Variants in TNNI3K observed in about 807,000 individuals in gnomAD.
TNNI3K encodes serine/threonine-protein kinase TNNI3K.
Under a neutral mutation model 114.5 loss-of-function variants are expected in TNNI3K, and 140 were observed. The observed-to-expected ratio is 1.22, with a 90% confidence interval of 1.07 to 1.41. The LOEUF (loss-of-function observed/expected upper bound fraction) is 1.41, where lower values mean the gene tolerates loss of function less well. Among genes scored for constraint, TNNI3K ranks in the 40% most tolerant of loss-of-function variants. The pLI, the probability that TNNI3K is intolerant of heterozygous loss-of-function variation, is 0.00. For synonymous variants in TNNI3K, 347 were observed against 347.5 expected (o/e 1.00, Z 0.02); for missense variants, 1,125 against 1,007.6 (o/e 1.12, Z -1.58).
intron 23 of TNNI3K, among the ~76,000 whole-genome samples, chr1:74,497,833 A>C (rs1460409364): frequency 6.6e-6 from 1 of 152,194 alleles, no homozygotes; most frequent in African/African-American, 2.4e-5. Context: ...TCTAAAATTA[A>C]GTGAATTCCG....
In TNNI3K at chr1:74,489,207, G is replaced by C. The variant is rs1253716559; in HGVS notation, c.2140G>C (p.Glu714Gln). Residue 714 changes from glutamate to glutamine, a missense_variant, in exon 22 of 25, where the codon GAA becomes CAA. Transcript: ENST00000326637. ...TTTACAGGGAAGACCCGAATTTTCT[G>C]AAGTTGTCATGAAGTTAGAAGAGTG... ...ACPEGRPEFS[E>Q]VVMKLEECLC... is the part of the protein sequence containing the mutation. 1 of 1,611,238 alleles carries C rather than the reference G, an allele frequency of 6.2e-7. No homozygotes were observed. The highest frequency in any genetic ancestry group is 1.3e-5 in the African/African-American group (1 of 74,748).
At chr1:74,313,362 G>A (rs1048481929) in intron 5 of TNNI3K, among the ~76,000 whole-genome samples, 9 of 152,198 alleles carry the variant, frequency 5.9e-5, no homozygotes, top group African/African-American at 2.2e-4. Context: ...GCTTGGCACA[G>A]AGCAGGCATT....
At chr1:74,372,972 C>T (rs1385178858) in intron 17 of TNNI3K, 1 of 151,806 alleles carries the variant, frequency 6.6e-6, no homozygotes, top group Non-Finnish European at 1.5e-5. Flanking sequence ...TTTGTAGGTG[C>T]CTTCATTATG....
intron 9 of TNNI3K, among the ~76,000 whole-genome samples, chr1:74,351,787 G>A (rs868051510): frequency 1.4e-4 from 21 of 152,124 alleles, no homozygotes; most frequent in Non-Finnish European, 2.6e-4. Context: ...CATTCGTCAC[G>A]TAGTTTTCGT....
At chr1:74,508,569 A>G (rs1336226041) in intron 23 of TNNI3K, among the ~76,000 whole-genome samples, 1 of 152,222 alleles carries the variant, frequency 6.6e-6, no homozygotes, top group Non-Finnish European at 1.5e-5. Flanking sequence ...AATAGCCCAC[A>G]GGCCAGGAGG....
intron 17 of TNNI3K, chr1:74,377,213 C>T (rs1662951590): frequency 6.6e-6 from 1 of 152,000 alleles, no homozygotes; most frequent in South Asian, 2.1e-4. Flanking sequence ...GGAATCAAGT[C>T]ACAACGTAAC....
intron 23 of TNNI3K, among the ~76,000 whole-genome samples, chr1:74,529,990 G>C (rs1271618579): frequency 2.0e-5 from 3 of 152,010 alleles, no homozygotes; most frequent in African/African-American, 7.2e-5. Flanking sequence ...TTTGAGGCAG[G>C]GTCTTAATCT....
intron 4 of TNNI3K, among the ~76,000 whole-genome samples, chr1:74,254,833 TGTTCCTGA>T (rs1655173689): frequency 2.6e-5 from 4 of 152,186 alleles, no homozygotes; most frequent in African/African-American, 9.7e-5. Flanking sequence ...CAGGGTAGGA[TGTTCCTGA>T]AAGTAAGAGG....
intron 11 of TNNI3K, among the ~76,000 whole-genome samples, chr1:74,357,527 G>A (rs1661729455): frequency 6.6e-6 from 1 of 152,108 alleles, no homozygotes; most frequent in South Asian, 2.1e-4. Context: ...TTCTGGAAGA[G>A]TTATATATTC....
intron 9 of TNNI3K, among the ~76,000 whole-genome samples, chr1:74,343,996 A>G (rs927146140): frequency 3.9e-5 from 6 of 152,292 alleles, no homozygotes; most frequent in Non-Finnish European, 5.9e-5. Context: ...TACACATTAC[A>G]TATGTTTCCA....
intron 23 of TNNI3K, among the ~76,000 whole-genome samples, chr1:74,525,670 C>A (rs1013703465): frequency 6.6e-6 from 1 of 152,216 alleles, no homozygotes; most frequent in Non-Finnish European, 1.5e-5. Flanking sequence ...CATATCAAAG[C>A]TTAATAAATA....
intron 21 of TNNI3K, 129 bp from the exon 22 acceptor site, chr1:74,489,059 GT>G (rs972321017): frequency 1.0e-5 from 7 of 683,242 alleles, no homozygotes; most frequent in Non-Finnish European, 1.6e-5. Context: ...CAATAAAAGT[GT>G]ATTTTAAATA....
intron 5 of TNNI3K, among the ~76,000 whole-genome samples, chr1:74,289,631 C>A (rs1432846882): frequency 4.6e-5 from 7 of 151,894 alleles, no homozygotes; most frequent in African/African-American, 1.7e-4. Context: ...TGCTATATCA[C>A]ACAGCCTTGC....
rs567616063 is a variant in TNNI3K at position 74,274,975 on chromosome 1, C to A, written c.444+3267C>A. On this transcript the variant is annotated intron_variant, in intron 5 of 24. Transcript: ENST00000326637. ...GTATGGGTACTCAAAGTATAGTTTC[C>A]ACTCATATGTATCACTTTCACACCA... Among the ~76,000 whole-genome samples the A allele has an allele frequency of 2.0e-5, 3 of 152,044 alleles. No homozygotes were observed. In the East Asian group the frequency reaches 5.8e-4, roughly 29 times the overall value.
intron 17 of TNNI3K, among the ~76,000 whole-genome samples, chr1:74,400,709 GC>G (rs1436101683): frequency 6.6e-6 from 1 of 152,200 alleles, no homozygotes; most frequent in Admixed American, 6.5e-5. Flanking sequence ...AGTTCAATAA[GC>G]TCATGAGAGA....
chr1:74,287,118 A>G (rs1189032027), intron 5 of TNNI3K, among the ~76,000 whole-genome samples: 1 of 151,828 alleles, frequency 6.6e-6, no homozygotes, highest in African/African-American at 2.4e-5. Context: ...AATCAGCAAG[A>G]AAAAAAAGAA....
chr1:74,277,346 G>A (rs1051225505), intron 5 of TNNI3K, among the ~76,000 whole-genome samples: 1 of 151,944 alleles, frequency 6.6e-6, no homozygotes, highest in East Asian at 1.9e-4. Flanking sequence ...ATAAAAGAGC[G>A]ATTACTCCCC....
intron 23 of TNNI3K, among the ~76,000 whole-genome samples, chr1:74,495,085 C>A (rs1570698886): frequency 6.6e-6 from 1 of 152,140 alleles, no homozygotes; most frequent in East Asian, 1.9e-4. Context: ...TTGAGATGCT[C>A]CTTTTGATAT....
At chr1:74,282,770 T>C (rs72673219) in intron 5 of TNNI3K, among the ~76,000 whole-genome samples, 13 of 152,322 alleles carry the variant, frequency 8.5e-5, no homozygotes, top group Non-Finnish European at 1.8e-4. Context: ...AGCCTGATGT[T>C]GTTTTTATTT....
Sources: gnomAD v4.1 joint callset for allele counts (sites outside exome capture counted in the v4.1 genomes callset) on GRCh38, gnomAD v4.1.1 for gene constraint, MANE v1.5 for transcripts, NCBI Gene and HGNC (gene_info 2026-07-23, HGNC 2026-07-21) for gene names.